SIPA1L3: variants seen among roughly 807,000 people sequenced by gnomAD.
SIPA1L3 encodes signal-induced proliferation-associated 1-like protein 3.
SIPA1L3 carries 59 observed loss-of-function variants against 150.1 expected under a neutral mutation model. The observed-to-expected ratio is 0.39, with a 90% CI of 0.32 to 0.49. SIPA1L3 has a LOEUF of 0.49. Among genes scored for constraint, SIPA1L3 ranks in the 20% least tolerant of loss-of-function variants. The pLI is 0.86. For missense variants in SIPA1L3, 2,211 were observed against 2,489.5 expected (o/e 0.89, Z 2.38); for synonymous variants, 1,070 against 1,077.6 (o/e 0.99, Z 0.14).
At chr19:38,147,738 G>A (rs1189119435) in intron 12 of SIPA1L3, among the ~76,000 whole-genome samples, 2 of 150,752 alleles carry the variant, frequency 1.3e-5, no homozygotes, top group Non-Finnish European at 3.0e-5. Flanking sequence ...GGGTTCCATT[G>A]ATCTATACGT....
intron 10 of SIPA1L3, among the ~76,000 whole-genome samples, chr19:38,139,929 G>A (rs1971532605): frequency 6.6e-6 from 1 of 152,166 alleles, no homozygotes; most frequent in African/African-American, 2.4e-5. Flanking sequence ...CCTTTCTATA[G>A]TGGCATTCAT....
At chr19:38,035,433 TG>T (rs554144756) in intron 2 of SIPA1L3, among the ~76,000 whole-genome samples, 119 of 152,232 alleles carry the variant, frequency 7.8e-4, no homozygotes, top group South Asian at 1.2e-3. Flanking sequence ...CACGGGGCTG[TG>T]GGAACCCCAA....
At chr19:37,971,862 C>T (rs1009423071) in intron 1 of SIPA1L3, among the ~76,000 whole-genome samples, 17 of 152,044 alleles carry the variant, frequency 1.1e-4, no homozygotes, top group Middle Eastern at 3.4e-3. Context: ...CCATCACGCC[C>T]GGCCTGAGTG....
chr19:38,033,096 AAC>A (rs974266147), intron 2 of SIPA1L3, among the ~76,000 whole-genome samples: 3 of 152,302 alleles, frequency 2.0e-5, no homozygotes, highest in East Asian at 1.9e-4. Context: ...CTCCCTTCTG[AAC>A]ACAGTTTCTG....
In SIPA1L3 at chr19:38,164,461, G is replaced by A. The variant is rs747756595; in HGVS notation, c.3781-18G>A. On this transcript the variant is annotated intron_variant, in intron 14 of 21. Transcript: ENST00000222345. The surrounding 1 kb of genome is among the most constrained non-coding windows in gnomAD (Gnocchi z 4.1). ...CTGCCCTGGAGTCTGGGAATGACACGCTTCTCTTGCCTCTCAGGGAGAACC... is the reference window on the plus strand; with the variant it reads ...CTGCCCTGGAGTCTGGGAATGACACACTTCTCTTGCCTCTCAGGGAGAACC... The A allele has an allele frequency of 5.1e-6, 8 of 1,583,658 alleles. No homozygotes were observed. The highest frequency in any genetic ancestry group is 1.3e-5 in the African/African-American group (1 of 74,394).
intron 2 of SIPA1L3, among the ~76,000 whole-genome samples, chr19:38,079,162 C>T (rs542305865): frequency 6.6e-6 from 1 of 152,308 alleles, no homozygotes; most frequent in Admixed American, 6.5e-5. Context: ...GAAACCCTGT[C>T]TCTACTAAAA....
chr19:37,928,616 C>T (rs1220823653), intron 1 of SIPA1L3, among the ~76,000 whole-genome samples: 1 of 152,104 alleles, frequency 6.6e-6, no homozygotes, highest in Non-Finnish European at 1.5e-5. Context: ...TCAGAATCCC[C>T]AGAGGGCTAG....
At chr19:38,161,739 C>CAAAA (rs1972093110) in intron 13 of SIPA1L3, among the ~76,000 whole-genome samples, 1 of 151,778 alleles carries the variant, frequency 6.6e-6, no homozygotes, top group Admixed American at 6.6e-5. Context: ...AAAAGACAGT[C>CAAAA]AAGCTCATAG....
chr19:38,057,263 G>C (rs1239410873), intron 2 of SIPA1L3, among the ~76,000 whole-genome samples: 1 of 149,066 alleles, frequency 6.7e-6, no homozygotes, highest in East Asian at 2.0e-4. Flanking sequence ...ACTCCAGCAA[G>C]ACTCCATCTC....
intron 12 of SIPA1L3, among the ~76,000 whole-genome samples, chr19:38,150,578 G>C (rs376882670): frequency 6.7e-6 from 1 of 148,608 alleles, no homozygotes; most frequent in Admixed American, 6.8e-5. Context: ...TGTTGTCCAG[G>C]CTGGAGCGCA....
At chr19:38,039,397 G>T (rs2145736292) in intron 2 of SIPA1L3, among the ~76,000 whole-genome samples, 1 of 150,060 alleles carries the variant, frequency 6.7e-6, no homozygotes, top group Non-Finnish European at 1.5e-5. Context: ...GGGGGGTGGG[G>T]GTGGTGGGGG....
intron 14 of SIPA1L3, among the ~76,000 whole-genome samples, chr19:38,163,261 G>A (rs1317093872): frequency 1.3e-5 from 2 of 152,074 alleles, no homozygotes; most frequent in African/African-American, 2.4e-5. Context: ...AGGCCAAGGC[G>A]GACGGATCAC....
chr19:38,132,295 C>T (rs956615062), intron 10 of SIPA1L3, among the ~76,000 whole-genome samples: 2 of 151,524 alleles, frequency 1.3e-5, no homozygotes, highest in South Asian at 4.2e-4. Flanking sequence ...TGTGGTGGCT[C>T]ACACCTGTAA....
chr19:38,086,338 A>G (rs1465961350), intron 3 of SIPA1L3, among the ~76,000 whole-genome samples: 1 of 152,132 alleles, frequency 6.6e-6, no homozygotes, highest in Non-Finnish European at 1.5e-5. Flanking sequence ...GCTTTAAAAA[A>G]AAAAGCCGTT....
At chr19:37,998,895 T>C (rs1967708500) in intron 1 of SIPA1L3, among the ~76,000 whole-genome samples, 1 of 152,158 alleles carries the variant, frequency 6.6e-6, no homozygotes, top group Admixed American at 6.5e-5. Context: ...TTTTTGAATC[T>C]AGGTTTGGGT....
Position 38,081,393 on chromosome 19 carries a change from AC to A in SIPA1L3, c.-172del. The A allele has an allele frequency of 1.6e-6, 1 of 629,462 alleles. No homozygotes were observed. Among genetic ancestry groups the A allele is most frequent in the East Asian group, 2.8e-5 (1 of 36,112 alleles). The allele number at this position is 629,462 out of a possible 1,614,324, so 39.0% of individuals were successfully genotyped here. A position where few individuals can be genotyped will look rare whatever the true frequency, so the allele number is the denominator to read the frequency against. On this transcript the variant is annotated 5_prime_UTR_variant, in exon 3 of 22. Transcript: ENST00000222345. The stretch of plus-strand genomic sequence containing the variant: ...TGAGGTTGTCCTGGCTCAGCTGTGC[AC>A]AGCGATGGTGGAGAACTGGACTCCA...
intron 9 of SIPA1L3, among the ~76,000 whole-genome samples, chr19:38,127,953 G>A (rs1224779413): frequency 2.6e-5 from 4 of 151,524 alleles, no homozygotes; most frequent in Non-Finnish European, 5.9e-5. Flanking sequence ...AAAGGTACCC[G>A]CAGGTTCTGT....
chr19:38,138,584 C>G (rs909695474), intron 10 of SIPA1L3, among the ~76,000 whole-genome samples: 1 of 21,638 alleles, frequency 4.6e-5, no homozygotes, highest in Non-Finnish European at 7.6e-5. Flanking sequence ...CTTGCCTCCC[C>G]CTCCCACAGG....
intron 1 of SIPA1L3, among the ~76,000 whole-genome samples, chr19:37,963,162 C>T (rs1599845285): frequency 2.0e-5 from 3 of 150,372 alleles, no homozygotes; most frequent in East Asian, 1.9e-4. Context: ...TTTTTTTTTT[C>T]CAAGCAGTTC....
Sources: allele counts gnomAD v4.1 joint callset (sites outside exome capture counted in the v4.1 genomes callset), GRCh38; gene constraint gnomAD v4.1.1; non-coding constraint Gnocchi (gnomAD v3.1); transcripts MANE v1.5; gene names NCBI Gene and HGNC (gene_info 2026-07-23, HGNC 2026-07-21).